ABCC5: variants seen among roughly 807,000 people sequenced by gnomAD.
The protein encoded by ABCC5 is ATP binding cassette subfamily C member 5.
A neutral mutation model predicts 160.9 loss-of-function variants in ABCC5; 61 were observed. The observed-to-expected ratio is 0.38, with a 90% CI of 0.31 to 0.47. The LOEUF (loss-of-function observed/expected upper bound fraction) is 0.47, where lower values mean the gene tolerates loss of function less well. Ranked by LOEUF, ABCC5 falls within the 20% of genes least tolerant of loss-of-function variation. The pLI, the probability that ABCC5 is intolerant of heterozygous loss-of-function variation, is 0.99. For synonymous variants in ABCC5, 666 were observed against 700.6 expected (o/e 0.95, Z 0.78); for missense variants, 1,308 against 1,813.3 (o/e 0.72, Z 5.06).
At position 183,951,326 on chromosome 3, in the gene ABCC5, G is replaced by A; in HGVS notation, c.2944+115C>T. The A allele has an allele frequency of 7.3e-7, 1 of 1,372,460 alleles. No individual in the cohort carries two copies. 85.0% of individuals were successfully genotyped at this position (1,372,460 alleles called of 1,614,324 possible). A position where few individuals can be genotyped will look rare whatever the true frequency, so the allele number is the denominator to read the frequency against. On this transcript the variant is annotated intron_variant, in intron 20 of 29. Transcript: ENST00000334444. This position sits in a 1 kb window ranked among gnomAD's most constrained non-coding sequence, Gnocchi z 4.7. The stretch of plus-strand genomic sequence containing the variant: ...AATGTTCCTGGTGAAAACACCAGCA[G>A]TCACTGTGCTCTCAGGATCTACAGA...
At chr3:183,954,906 G>T (rs1242187380) in intron 17 of ABCC5, among the ~76,000 whole-genome samples, 1 of 152,182 alleles carries the variant, frequency 6.6e-6, no homozygotes, top group Non-Finnish European at 1.5e-5. Flanking sequence ...GATCCGGAAA[G>T]GTGGGGCAAC....
At position 183,951,622 on chromosome 3, in the gene ABCC5, C is replaced by T. The variant is rs370906138; in HGVS notation, c.2815-52G>A. ...GGGCCCAGGGACGGCTCTGTTCCTACTGGTCCAGAGAACCGCTCCGCAGCA... is the reference window on the plus strand; with the variant it reads ...GGGCCCAGGGACGGCTCTGTTCCTATTGGTCCAGAGAACCGCTCCGCAGCA... On this transcript the variant is annotated intron_variant, in intron 19 of 29. Transcript: ENST00000334444. This position sits in a 1 kb window ranked among gnomAD's most constrained non-coding sequence, Gnocchi z 4.7. 61 of 1,598,178 alleles carry T rather than the reference C, an allele frequency of 3.8e-5. No homozygotes were observed. The African/African-American group carries it at 7.7e-4, about 20-fold the overall frequency.
rs1295617423 is a variant in ABCC5 at position 183,971,566 on chromosome 3, T to G, written c.1758A>C (p.Gln586His). ...AGGCAGGGGGCGGACCACTTACCTC[T>G]TGGATCTCCAGATCGATGCTGTGCA... ...RTLHSIDLEI[Q>H]EGKLVGICGS... The change falls in exon 11 of 30, where the codon CAA (glutamine) becomes CAC (histidine). Residue 586 changes from glutamine to histidine, a missense_variant. By Grantham distance (24) the Gln-to-His change is conservative (BLOSUM62 0). Coordinates refer to ENST00000334444, the MANE Select transcript of ABCC5 (RefSeq NM_005688.4). The G allele has an allele frequency of 8.1e-6, 13 of 1,612,942 alleles. No homozygotes were observed. The South Asian group carries it at 1.3e-4, about 16-fold the overall frequency.
At chr3:183,976,035 G>A (rs183446803) in intron 10 of ABCC5, among the ~76,000 whole-genome samples, 12 of 152,100 alleles carry the variant, frequency 7.9e-5, no homozygotes, top group East Asian at 1.9e-4. Flanking sequence ...TGGTTATTGC[G>A]GATTCAGCAA....
chr3:183,932,212 C>G (rs573197121), intron 26 of ABCC5, among the ~76,000 whole-genome samples: 1 of 152,106 alleles, frequency 6.6e-6, no homozygotes, highest in African/African-American at 2.4e-5. Context: ...ATACCTTCTT[C>G]TATCAGGAAG....
intron 5 of ABCC5, chr3:183,985,263 T>G: frequency 6.6e-7 from 1 of 1,512,636 alleles, no homozygotes; most frequent in South Asian, 1.1e-5. Context: ...CATAGCTGTC[T>G]GGCTGTGGAA....
intron 28 of ABCC5, 126 bp downstream of exon 28, chr3:183,927,203 TG>T: frequency 1.1e-6 from 1 of 897,946 alleles, no homozygotes; most frequent in Non-Finnish European, 1.7e-6. Context: ...GAGTTATCTC[TG>T]GTCATGCTCT....
chr3:183,927,267 T>G (rs1712677362), intron 28 of ABCC5, 63 bp downstream of exon 28: 24 of 1,531,452 alleles, frequency 1.6e-5, no homozygotes, highest in Non-Finnish European at 2.1e-5. Context: ...CCCCAGTGTG[T>G]CAGGGCAAGG....
chr3:183,959,900 A>G, intron 16 of ABCC5, 65 bp from the exon 17 acceptor site: 2 of 1,158,298 alleles, frequency 1.7e-6, no homozygotes, highest in South Asian at 2.8e-5. Context: ...TCCACAGGAT[A>G]CATATTAGGG....
intron 2 of ABCC5, among the ~76,000 whole-genome samples, chr3:184,007,580 C>G (rs964583262): frequency 6.6e-6 from 1 of 152,082 alleles, no homozygotes; most frequent in Non-Finnish European, 1.5e-5. Flanking sequence ...AATCCCAGCA[C>G]TTTGAGAGGC....
chr3:183,996,168 C>A (rs1472945871), intron 2 of ABCC5, among the ~76,000 whole-genome samples: 1 of 152,118 alleles, frequency 6.6e-6, no homozygotes, highest in Non-Finnish European at 1.5e-5. Flanking sequence ...ACTTGGCAAG[C>A]AATCCATCAG....
chr3:183,978,399 G>A lies in ABCC5; in HGVS notation c.1296+104C>T, dbSNP rs900865702. On this transcript the variant is annotated intron_variant, in intron 9 of 29. Coordinates refer to ENST00000334444, the MANE Select transcript of ABCC5 (RefSeq NM_005688.4). ...GCTGGAGTGCAATGGCATGATCTTG[G>A]CTCACTGTAACCTCCACCACCTGGG... 2.9e-6 allele frequency: 4 copies of A among 1,384,494 alleles called. No homozygotes were observed. In the African/African-American group the frequency reaches 5.7e-5, roughly 20 times the overall value. The allele number at this position is 1,384,494 out of a possible 1,614,324, so 85.8% of individuals were successfully genotyped here.
At chr3:184,016,275 G>C (rs181756523) in intron 1 of ABCC5, among the ~76,000 whole-genome samples, 7 of 152,258 alleles carry the variant, frequency 4.6e-5, no homozygotes, top group Non-Finnish European at 7.3e-5. Flanking sequence ...TATGTATGAA[G>C]GGTGTGGGGA....
rs1397315682 is a variant in ABCC5 at position 184,017,739 on chromosome 3, C to T, written c.-56+91G>A. The T allele has an allele frequency of 6.6e-6, 1 of 152,488 alleles. No homozygotes were observed. The highest frequency in any genetic ancestry group is 1.5e-5 in the Non-Finnish European group (1 of 68,288). 9.4% of individuals were successfully genotyped at this position (152,488 alleles called of 1,614,324 possible). On this transcript the variant is annotated intron_variant, in intron 1 of 29. Coordinates refer to ENST00000334444, the MANE Select transcript of ABCC5 (RefSeq NM_005688.4). The surrounding 1 kb of genome is among the most constrained non-coding windows in gnomAD (Gnocchi z 4.5). ...CCCCCGAACTGCTCGCAGCCCTGGCCACATCCCGCCACGCCCCGAGGAAAT... is the reference window on the plus strand; with the variant it reads ...CCCCCGAACTGCTCGCAGCCCTGGCTACATCCCGCCACGCCCCGAGGAAAT...
chr3:183,983,333 C>T (rs967529242), intron 5 of ABCC5: 8 of 346,878 alleles, frequency 2.3e-5, no homozygotes, highest in East Asian at 5.7e-5. Context: ...GACCTTATTC[C>T]AGTATCTCCA....
rs761628043 is a variant in ABCC5 at position 183,951,409 on chromosome 3, A to G, written c.2944+32T>C. 3.1e-6 allele frequency: 5 copies of G among 1,611,734 alleles called. No homozygotes were observed. The Admixed American group carries it at 5.0e-5, about 16-fold the overall frequency. ...GAAGGCTGGAAGCACAGTGAGCTCC[A>G]GAGTATTAAAAAAAGGCTCAGTGAG... is the stretch of plus-strand genomic sequence containing the variant. On this transcript the variant is annotated intron_variant, in intron 20 of 29. Transcript: ENST00000334444. This position sits in a 1 kb window ranked among gnomAD's most constrained non-coding sequence, Gnocchi z 4.7.
intron 2 of ABCC5, among the ~76,000 whole-genome samples, chr3:184,006,100 C>T (rs1022707635): frequency 2.6e-5 from 4 of 152,078 alleles, no homozygotes; most frequent in African/African-American, 7.2e-5. Flanking sequence ...AGAGCCCCAG[C>T]GAGCTGTCAA....
chr3:184,008,043 G>C (rs1219792493), intron 2 of ABCC5, among the ~76,000 whole-genome samples: 4 of 152,124 alleles, frequency 2.6e-5, no homozygotes, highest in African/African-American at 9.7e-5. Context: ...CTCCTAAAGA[G>C]TTCCCTGAGA....
chr3:183,971,668 G>A lies in ABCC5; in HGVS notation c.1656C>T (p.Asp552=), dbSNP rs370275882. ...LAEQKGHLLL[D]SDERPSPEEE... is the part of the protein sequence containing the mutation. The stretch of plus-strand genomic sequence containing the variant: ...CTTCGGGACTGGGCCGCTCGTCACT[G>A]TCCAGGAGGAGGTGGCCTTTCTGCT... Residue 552 remains aspartate, a synonymous_variant, in exon 11 of 30, where the codon GAC becomes GAT. Transcript: ENST00000334444. 1.8e-5 allele frequency: 29 copies of A among 1,614,096 alleles called. No homozygotes were observed. Among genetic ancestry groups the A allele is most frequent in the Non-Finnish European group, 8.5e-7 (1 of 1,180,040 alleles).
Sources: allele counts gnomAD v4.1 joint callset (sites outside exome capture counted in the v4.1 genomes callset), GRCh38; gene constraint gnomAD v4.1.1; non-coding constraint Gnocchi (gnomAD v3.1); transcripts MANE v1.5; gene names NCBI Gene and HGNC (gene_info 2026-07-23, HGNC 2026-07-21).